The following PPP1R7 variants were observed in gnomAD, a reference collection of about 807,000 sequenced individuals.
PPP1R7 encodes the protein protein phosphatase 1 regulatory subunit 7, also known as protein phosphatase 1 regulatory subunit 22.
Under a neutral mutation model 45.2 loss-of-function variants are expected in PPP1R7, and 18 were observed. The observed-to-expected ratio is 0.40, with a 90% CI of 0.28 to 0.59. The LOEUF (loss-of-function observed/expected upper bound fraction) is 0.59. PPP1R7 is among the 20% of genes least tolerant of loss of function. The probability of loss-of-function intolerance (pLI) is 0.46; values close to 1 mark genes in which losing one functional copy is unlikely to be tolerated. For synonymous variants in PPP1R7, 181 were observed against 183.4 expected, an observed-to-expected ratio of 0.99 and a Z score of 0.11; for missense variants, 314 against 455.8, an observed-to-expected ratio of 0.69 and a Z score of 2.83.
intron 7 of PPP1R7, among the ~76,000 whole-genome samples, chr2:241,165,799 G>A (rs923086906): frequency 1.7e-4 from 25 of 151,004 alleles, no homozygotes; most frequent in African/African-American, 5.6e-4. Context: ...GGGTTTCACC[G>A]TGTTAGCCAG....
chr2:241,149,635 GCCAAAGGAATAATGGGCGCCTCCGCC>G, upstream of PPP1R7: 1 of 1,539,260 alleles, frequency 6.5e-7, no homozygotes, highest in South Asian at 1.2e-5. Flanking sequence ...CTTCGGAGGA[GCCAAAGGAATAATGGGCGCCTCCGCC>G]CCCGGGCCGG....
rs76325563 is a variant in PPP1R7 at position 241,180,433 on chromosome 2, T to G, written c.907-2214T>G. ...AAAGTGAAAAAATCGCAAAAAAATCTCAAAATGTTTTTAAGCTTACAGATT... is the reference window on the plus strand; with the variant it reads ...AAAGTGAAAAAATCGCAAAAAAATCGCAAAATGTTTTTAAGCTTACAGATT... On this transcript the variant is annotated intron_variant, in intron 9 of 9. Transcript: ENST00000234038. Among the ~76,000 whole-genome samples, 215 of 135,768 alleles carry G rather than the reference T, an allele frequency of 1.6e-3. 6 individuals are homozygous for G. In the East Asian group the frequency reaches 0.042, roughly 27 times the overall value. The allele number at this position is 135,768 out of a possible 152,430, so 89.1% of individuals were successfully genotyped here. A position where few individuals can be genotyped will look rare whatever the true frequency, so the allele number is the denominator to read the frequency against.
At chr2:241,164,534 C>T (rs943192636) in intron 7 of PPP1R7, among the ~76,000 whole-genome samples, 4 of 152,146 alleles carry the variant, frequency 2.6e-5, no homozygotes, top group African/African-American at 7.2e-5. Context: ...CTGATCCCTT[C>T]GACTGATACT....
At chr2:241,149,920 C>G (rs1325124931), upstream of PPP1R7, 1 of 1,429,966 alleles carries the variant, frequency 7.0e-7, no homozygotes. Context: ...CGCACCTGCC[C>G]GCCTGCTCCG....
rs967296121 is a variant in PPP1R7, at chr2:241,168,462, G to C, written c.820-1319G>C. 3.9e-5 allele frequency among the ~76,000 whole-genome samples: 6 copies of C among 152,330 alleles called. No homozygotes were observed. The East Asian group carries it at 1.2e-3, about 29-fold the overall frequency. ...GGAGAGCTGCCGTCCGTGCTAGAGA[G>C]GCCTGTTCCAGCCCCACCGCCAGGC... On this transcript the variant is annotated intron_variant, in intron 8 of 9. Coordinates refer to ENST00000234038, the MANE Select transcript of PPP1R7 (RefSeq NM_002712.3).
At chr2:241,149,909 C>T (rs550317021), upstream of PPP1R7, 2 of 1,434,172 alleles carry the variant, frequency 1.4e-6, no homozygotes, top group South Asian at 1.5e-5. Flanking sequence ...CGCAAGTGCC[C>T]CGCACCTGCC....
At chr2:241,177,673 C>T (rs1274899957) in intron 9 of PPP1R7, among the ~76,000 whole-genome samples, 1 of 152,222 alleles carries the variant, frequency 6.6e-6, no homozygotes, top group Non-Finnish European at 1.5e-5. Context: ...CCCGCCCCTG[C>T]CATACGCGAC....
chr2:241,170,899 C>G (rs1294087321), intron 9 of PPP1R7, among the ~76,000 whole-genome samples: 1 of 152,104 alleles, frequency 6.6e-6, no homozygotes, highest in East Asian at 1.9e-4. Flanking sequence ...CTCAATGAGT[C>G]CAGGTGGGTC....
At chr2:241,153,363 T>G (rs1362153033) in intron 1 of PPP1R7, 113 bp from the exon 2 acceptor site, 1 of 1,424,810 alleles carries the variant, frequency 7.0e-7, no homozygotes, top group Admixed American at 1.9e-5. Flanking sequence ...TTGAACTGGA[T>G]TCAACAAACA....
At chr2:241,153,060 TA>T (rs1457472285) in intron 1 of PPP1R7, among the ~76,000 whole-genome samples, 16 of 152,196 alleles carry the variant, frequency 1.1e-4, no homozygotes, top group African/African-American at 3.9e-4. Flanking sequence ...CTTAGCCAGA[TA>T]AATAGTGGAG....
At chr2:241,176,532 A>C (rs1463626164) in intron 9 of PPP1R7, among the ~76,000 whole-genome samples, 2 of 147,492 alleles carry the variant, frequency 1.4e-5, no homozygotes, top group Admixed American at 7.0e-5. Context: ...ATCTCGGCTC[A>C]CTGCAACCTC....
chr2:241,158,474 T>C lies in PPP1R7; in HGVS notation c.238-10T>C, dbSNP rs2125486318. ...GCTATAGCTGAGTATAGATTTCTGC[T>C]TTGTTTCAGGATGTTGATTTGAATC... is the stretch of plus-strand genomic sequence containing the variant. On this transcript the variant is annotated splice_polypyrimidine_tract_variant and intron_variant, in intron 3 of 9. Transcript: ENST00000234038. 6.2e-7 allele frequency: 1 copy of C among 1,613,838 alleles called. No homozygotes were observed. Among genetic ancestry groups the C allele is most frequent in the Non-Finnish European group, 8.5e-7 (1 of 1,179,712 alleles).
chr2:241,173,945 T>C (rs559169229), intron 9 of PPP1R7, among the ~76,000 whole-genome samples: 1 of 151,882 alleles, frequency 6.6e-6, no homozygotes, highest in Non-Finnish European at 1.5e-5. Flanking sequence ...ATTATTTTTC[T>C]CTCTTCATTA....
rs907381672 is a variant in PPP1R7, at chr2:241,167,751, GA to G, written c.819+1321del. Among the ~76,000 whole-genome samples the G allele has an allele frequency of 4.2e-3, 613 of 146,914 alleles. 3 individuals are homozygous for G. Among genetic ancestry groups the G allele is most frequent in the African/African-American group, 0.012 (469 of 40,192 alleles). On this transcript the variant is annotated intron_variant, in intron 8 of 9. Transcript: ENST00000234038. ...ATTCTTGGGCCTCTGAAACAAAACA[GA>G]AAAAAAAAAATTGTTGTATTAAAGG...
At chr2:241,158,760 T>A (rs2067518025) in intron 4 of PPP1R7, 4 of 554,482 alleles carry the variant, frequency 7.2e-6, no homozygotes, top group Non-Finnish European at 1.3e-5. Context: ...GGGCTGGCTC[T>A]CCTGAGCCCA....
intron 6 of PPP1R7, 25 bp downstream of exon 6, chr2:241,160,519 T>C (rs1258939763): frequency 2.0e-5 from 31 of 1,553,154 alleles, no homozygotes; most frequent in Non-Finnish European, 2.6e-5. Flanking sequence ...CCCTGACTAG[T>C]ATATTCAGGG....
At chr2:241,154,843 A>T (rs1039007698) in intron 2 of PPP1R7, among the ~76,000 whole-genome samples, 6 of 152,266 alleles carry the variant, frequency 3.9e-5, no homozygotes. Context: ...CTAGATTTGT[A>T]TACAGTGTAT....
chr2:241,181,100 A>T (rs565371525), intron 9 of PPP1R7, among the ~76,000 whole-genome samples: 2 of 152,336 alleles, frequency 1.3e-5, no homozygotes, highest in African/African-American at 4.8e-5. Flanking sequence ...TGGGAGGCTG[A>T]GGTGGGAGAA....
In PPP1R7 at chr2:241,183,154, A is replaced by T; in HGVS notation, c.*331A>T. 2 of 399,018 alleles carry T rather than the reference A, an allele frequency of 5.0e-6. No homozygotes were observed. The highest frequency in any genetic ancestry group is 8.3e-4 in the Middle Eastern group (1 of 1,206). The allele number at this position is 399,018 out of a possible 1,614,324, so 24.7% of individuals were successfully genotyped here. ...AGTCCCTACCTGAGTCGTGTGAAACACAGGGCCTGAGAGTGCTTTACAGGC... is the reference window on the plus strand; with the variant it reads ...AGTCCCTACCTGAGTCGTGTGAAACTCAGGGCCTGAGAGTGCTTTACAGGC... On this transcript the variant is annotated 3_prime_UTR_variant, in exon 10 of 10. Transcript: ENST00000234038.
Sources: gnomAD v4.1 joint callset for allele counts (sites outside exome capture counted in the v4.1 genomes callset) on GRCh38, gnomAD v4.1.1 for gene constraint, MANE v1.5 for transcripts, NCBI Gene and HGNC (gene_info 2026-07-23, HGNC 2026-07-21) for gene names.